ZNF33B: variants seen among roughly 807,000 people sequenced by gnomAD.
ZNF33B encodes zinc finger protein 11b (KOX 2).
ZNF33B carries 29 observed loss-of-function variants against 45.8 expected under a neutral mutation model. That is an observed-to-expected ratio of 0.63 (90% CI 0.47 to 0.86). The LOEUF is 0.86. ZNF33B is among the 40% of genes least tolerant of loss of function. The pLI is 0.00. For missense variants in ZNF33B, 831 were observed against 909.9 expected (o/e 0.91, Z 1.12); for synonymous variants, 305 against 307.8 (o/e 0.99, Z 0.10).
chr10:42,613,841 T>C (rs1838200406), intron 4 of ZNF33B, among the ~76,000 whole-genome samples: 1 of 152,214 alleles, frequency 6.6e-6, no homozygotes, highest in African/African-American at 2.4e-5. Context: ...CATTAGCCCC[T>C]ATCTTGGTTT....
chr10:42,626,385 T>C (rs756160757), intron 4 of ZNF33B, among the ~76,000 whole-genome samples: 1 of 152,176 alleles, frequency 6.6e-6, no homozygotes, highest in African/African-American at 2.4e-5. Context: ...ATTTTTTAAA[T>C]GTGTTAAGAA....
At chr10:42,598,893 T>C (rs1837505557) in intron 4 of ZNF33B, among the ~76,000 whole-genome samples, 2 of 152,208 alleles carry the variant, frequency 1.3e-5, no homozygotes, top group South Asian at 4.1e-4. Context: ...AGGGCAATGC[T>C]GGACTCAAAG....
chr10:42,616,884 C>T (rs1395382236), intron 4 of ZNF33B, among the ~76,000 whole-genome samples: 3 of 151,492 alleles, frequency 2.0e-5, no homozygotes, highest in African/African-American at 4.8e-5. Flanking sequence ...TTAGTAGAGA[C>T]GGGGTTTCAC....
chr10:42,632,166 T>G, intron 3 of ZNF33B, 129 bp downstream of exon 3: 1 of 1,483,980 alleles, frequency 6.7e-7, no homozygotes, highest in Non-Finnish European at 9.2e-7. Context: ...CTTCTGGTGC[T>G]CAATCAACAC....
chr10:42,589,300 T>TAGTG lies in ZNF33B; in HGVS notation c.*3309_*3312dup, dbSNP rs1564490817. ...TCATTTGTTACAATTGATGAGCCAA[T>TAGTG]AGTGGTACACTGTTATTAACTGAAG... On this transcript the variant is annotated 3_prime_UTR_variant, in exon 5 of 5. Coordinates refer to ENST00000359467, the MANE Select transcript of ZNF33B (RefSeq NM_006955.3). 1 of 152,238 alleles carries TAGTG rather than the reference T, an allele frequency of 6.6e-6. No homozygotes were observed. The highest frequency in any genetic ancestry group is 2.4e-5 in the African/African-American group (1 of 41,468). The allele number at this position is 152,238 out of a possible 1,614,324, so 9.4% of individuals were successfully genotyped here.
At chr10:42,585,624 C>A (rs1836918264), downstream of ZNF33B, among the ~76,000 whole-genome samples, 1 of 152,228 alleles carries the variant, frequency 6.6e-6, no homozygotes, top group Non-Finnish European at 1.5e-5. Flanking sequence ...GTAATCCTCC[C>A]TTTAAACATG....
intron 1 of ZNF33B, chr10:42,581,558 C>G (rs758967053): frequency 6.6e-6 from 1 of 151,562 alleles, no homozygotes; most frequent in Non-Finnish European, 1.5e-5. Flanking sequence ...TTGATGGTGC[C>G]GAAGGAAAGC....
intron 4 of ZNF33B, among the ~76,000 whole-genome samples, chr10:42,616,438 CACT>C (rs938754577): frequency 6.6e-6 from 1 of 152,036 alleles, no homozygotes; most frequent in Admixed American, 6.5e-5. Flanking sequence ...CCAACCACCT[CACT>C]AATTTTTTTA....
Position 42,594,229 on chromosome 10 carries a change from T to C in ZNF33B, c.721A>G (p.Asn241Asp). The change falls in exon 5 of 5, where the codon AAT becomes GAT. Residue 241 changes from asparagine (N) to aspartate (D), a missense_variant. Physicochemically the swap from Asn to Asp is conservative, Grantham distance 23. Coordinates refer to ENST00000359467, the MANE Select transcript of ZNF33B (RefSeq NM_006955.3). Reference protein sequence around the residue: ...KAVFNTRKRENAEENNCDYNE... With the variant: ...KAVFNTRKREDAEENNCDYNE... ...TAGTCACAGTTATTCTCTTCTGCAT[T>C]CTCTCTCTTCCGTGTATTGAATACT... 6.2e-7 allele frequency: 1 copy of C among 1,613,758 alleles called. No individual in the cohort carries two copies. The highest frequency in any genetic ancestry group is 8.5e-7 in the Non-Finnish European group (1 of 1,179,920).
intron 4 of ZNF33B, among the ~76,000 whole-genome samples, chr10:42,613,415 G>A (rs553426451): frequency 6.6e-6 from 1 of 152,096 alleles, no homozygotes; most frequent in Non-Finnish European, 1.5e-5. Flanking sequence ...GGGCATGGTG[G>A]TAAGCACCTG....
intron 4 of ZNF33B, among the ~76,000 whole-genome samples, chr10:42,613,937 G>A (rs971302774): frequency 1.9e-4 from 29 of 152,156 alleles, no homozygotes; most frequent in African/African-American, 7.0e-4. Context: ...AGATAAGCCT[G>A]GACCATCTTG....
intron 1 of ZNF33B, among the ~76,000 whole-genome samples, chr10:42,580,880 C>T (rs1333409300): frequency 6.6e-6 from 1 of 150,558 alleles, no homozygotes; most frequent in Admixed American, 6.6e-5. Flanking sequence ...GGTAACAGAG[C>T]GAGACTGTCT....
intron 4 of ZNF33B, among the ~76,000 whole-genome samples, chr10:42,603,595 T>A (rs1031833869): frequency 1.3e-5 from 2 of 152,116 alleles, no homozygotes; most frequent in African/African-American, 2.4e-5. Flanking sequence ...AATGGCAACA[T>A]AAAAAGCAAA....
Position 42,631,926 on chromosome 10 carries a change from C to A in ZNF33B, c.250+3G>T. ...TGAATCTGTGCAGTACATATTAACC[C>A]ACCTGGAAAGCTCTGGCTTGGGAAT... On this transcript the variant is annotated splice_donor_region_variant and intron_variant, in intron 4 of 4. Coordinates refer to ENST00000359467, the MANE Select transcript of ZNF33B (RefSeq NM_006955.3). 1 of 1,613,396 alleles carries A rather than the reference C, an allele frequency of 6.2e-7. No individual in the cohort carries two copies. Among genetic ancestry groups the A allele is most frequent in the Non-Finnish European group, 8.5e-7 (1 of 1,179,368 alleles).
At chr10:42,618,673 T>C (rs976068036) in intron 4 of ZNF33B, among the ~76,000 whole-genome samples, 3 of 152,208 alleles carry the variant, frequency 2.0e-5, no homozygotes, top group Non-Finnish European at 4.4e-5. Flanking sequence ...ATAAGTCTCT[T>C]TGCATTTATC....
chr10:42,632,768 G>C (rs966038103), intron 2 of ZNF33B: 1 of 291,940 alleles, frequency 3.4e-6, no homozygotes, highest in Non-Finnish European at 6.4e-6. Flanking sequence ...ACAGACTAAC[G>C]TTAGGAGCAA....
intron 2 of ZNF33B, among the ~76,000 whole-genome samples, chr10:42,633,970 C>A (rs1314751684): frequency 3.5e-5 from 5 of 141,686 alleles, no homozygotes; most frequent in South Asian, 2.3e-4. Context: ...AACTCCATCT[C>A]AAAAAAAAAA....
chr10:42,600,985 G>C (rs2132062054), intron 4 of ZNF33B, among the ~76,000 whole-genome samples: 1 of 152,274 alleles, frequency 6.6e-6, no homozygotes, highest in East Asian at 1.9e-4. Context: ...ATGCAGGTCT[G>C]CTGGAGAGGA....
downstream of ZNF33B, among the ~76,000 whole-genome samples, chr10:42,588,225 C>T (rs1224168373): frequency 6.6e-6 from 1 of 152,178 alleles, no homozygotes; most frequent in Non-Finnish European, 1.5e-5. Flanking sequence ...TCAAGTCATG[C>T]AGGGATACAG....
Sources: gnomAD v4.1 joint callset for allele counts (sites outside exome capture counted in the v4.1 genomes callset) on GRCh38, gnomAD v4.1.1 for gene constraint, MANE v1.5 for transcripts, NCBI Gene and HGNC (gene_info 2026-07-23, HGNC 2026-07-21) for gene names.